Variants in NRXN3 observed in about 807,000 individuals in gnomAD.
NRXN3 encodes the protein neurexin 3, also known as neurexin III.
NRXN3 carries 32 observed loss-of-function variants against 137.6 expected under a neutral mutation model. That is an observed-to-expected ratio of 0.23 (90% confidence interval 0.18 to 0.31). The LOEUF is 0.31. Among genes scored for constraint, NRXN3 ranks in the 10% least tolerant of loss-of-function variants. The pLI is 1.00. For synonymous variants in NRXN3, 798 were observed against 784.5 expected (o/e 1.02, Z -0.29); for missense variants, 1,574 against 2,062.5 (o/e 0.76, Z 4.59).
rs76857243 is a variant in NRXN3, at chr14:79,112,908, A to G, written c.3262+124767A>G. On this transcript the variant is annotated intron_variant, in intron 15 of 20. Coordinates refer to ENST00000335750, the MANE Select transcript of NRXN3 (RefSeq NM_001330195.2). The stretch of plus-strand genomic sequence containing the variant: ...GGGTAATGATGAAAAAGATTAGGCA[A>G]AGTTTAAAGTTGAGACGCAGTTTTC... Among the ~76,000 whole-genome samples the G allele has an allele frequency of 1.1e-4, 17 of 152,306 alleles. No homozygotes were observed. The East Asian group carries it at 3.1e-3, about 28-fold the overall frequency.
At chr14:78,972,088 C>T (rs1057288688) in intron 14 of NRXN3, among the ~76,000 whole-genome samples, 3 of 151,948 alleles carry the variant, frequency 2.0e-5, no homozygotes, top group Admixed American at 2.0e-4. Context: ...TAACTTGATA[C>T]CTCTCAATTT....
chr14:78,454,303 A>G (rs1353198022), intron 4 of NRXN3, among the ~76,000 whole-genome samples: 1 of 152,034 alleles, frequency 6.6e-6, no homozygotes, highest in Non-Finnish European at 1.5e-5. Context: ...ATAACTTAAA[A>G]AAAAAAACCT....
chr14:78,313,352 C>T (rs1475976123), intron 4 of NRXN3, among the ~76,000 whole-genome samples: 6 of 152,152 alleles, frequency 3.9e-5, no homozygotes, highest in Non-Finnish European at 7.3e-5. Flanking sequence ...CATTTACTGG[C>T]TTTTCTGTTG....
intron 19 of NRXN3, among the ~76,000 whole-genome samples, chr14:79,755,551 A>G (rs1415897992): frequency 1.4e-5 from 2 of 146,746 alleles, no homozygotes; most frequent in East Asian, 3.9e-4. Flanking sequence ...TTTTTTTGCT[A>G]GAAGTAGTTT....
At chr14:79,845,568 G>A (rs1039638200) in intron 20 of NRXN3, among the ~76,000 whole-genome samples, 2 of 136,544 alleles carry the variant, frequency 1.5e-5, no homozygotes, top group African/African-American at 5.5e-5. Context: ...CAGAGAGAGA[G>A]AGAGACCGAC....
rs372339112 is a variant in NRXN3 at position 78,754,185 on chromosome 14, T to C, written c.2044+39046T>C. ...GTTTTGCTTTTCTAGGCTATGACTC[T>C]ACTCTGAGTTGGGTTTTGGTTTGCT... On this transcript the variant is annotated intron_variant, in intron 8 of 20. Coordinates refer to ENST00000335750, the MANE Select transcript of NRXN3 (RefSeq NM_001330195.2). Among the ~76,000 whole-genome samples the C allele has an allele frequency of 1.5e-4, 23 of 152,352 alleles. 1 individual carries two copies. The highest frequency in any genetic ancestry group is 1.4e-3 in the East Asian group (7 of 5,180).
chr14:79,277,844 G>A (rs2080536044), intron 15 of NRXN3, among the ~76,000 whole-genome samples: 1 of 152,214 alleles, frequency 6.6e-6, no homozygotes, highest in African/African-American at 2.4e-5. Context: ...AGCCAGGGCA[G>A]TTAGGGTGAC....
At chr14:78,518,986 T>C (rs759382457) in intron 4 of NRXN3, among the ~76,000 whole-genome samples, 1 of 152,052 alleles carries the variant, frequency 6.6e-6, no homozygotes, top group Non-Finnish European at 1.5e-5. Context: ...CTTCAAAGAG[T>C]AGGACAGTCA....
chr14:79,777,157 G>A (rs377159108), intron 19 of NRXN3, among the ~76,000 whole-genome samples: 1 of 152,114 alleles, frequency 6.6e-6, no homozygotes, highest in East Asian at 1.9e-4. Context: ...CCTAATTTTT[G>A]TTAGCCTCTT....
chr14:79,422,640 A>G (rs1033949132), intron 15 of NRXN3, among the ~76,000 whole-genome samples: 16 of 151,812 alleles, frequency 1.1e-4, no homozygotes, highest in Non-Finnish European at 2.2e-4. Flanking sequence ...GACCCGAGTG[A>G]TAAGATGGAT....
chr14:79,079,565 T>A (rs1018322870), intron 15 of NRXN3, among the ~76,000 whole-genome samples: 5 of 152,008 alleles, frequency 3.3e-5, no homozygotes, highest in African/African-American at 1.2e-4. Context: ...ATTATAGCTA[T>A]TTTTTTTCAA....
At chr14:79,124,825 C>T (rs2056110524) in intron 15 of NRXN3, among the ~76,000 whole-genome samples, 1 of 152,032 alleles carries the variant, frequency 6.6e-6, no homozygotes, top group East Asian at 1.9e-4. Flanking sequence ...CATGTGAAAA[C>T]TTCAAATTTC....
intron 14 of NRXN3, among the ~76,000 whole-genome samples, chr14:78,971,441 TACAC>T (rs35943996): frequency 7.0e-6 from 1 of 142,530 alleles, no homozygotes; most frequent in South Asian, 2.4e-4. Context: ...TATATATATA[TACAC>T]ACACACACAC....
chr14:78,918,438 C>A (rs1449832692), intron 10 of NRXN3, among the ~76,000 whole-genome samples: 1 of 151,886 alleles, frequency 6.6e-6, no homozygotes, highest in Non-Finnish European at 1.5e-5. Flanking sequence ...AGAACAGAGA[C>A]CTTGGGCAGA....
chr14:78,409,417 C>T (rs960403296), intron 4 of NRXN3, among the ~76,000 whole-genome samples: 5 of 152,210 alleles, frequency 3.3e-5, no homozygotes, highest in African/African-American at 1.2e-4. Flanking sequence ...AGAAAAGAGG[C>T]GTGGTCAGGG....
At chr14:79,823,877 A>G (rs1184536290) in intron 20 of NRXN3, 12 of 447,720 alleles carry the variant, frequency 2.7e-5, no homozygotes, top group Non-Finnish European at 4.5e-5. Flanking sequence ...CATTAGTTCC[A>G]TAAGGTCAGT....
At chr14:78,562,434 T>G (rs1322807877) in intron 4 of NRXN3, among the ~76,000 whole-genome samples, 1 of 146,066 alleles carries the variant, frequency 6.8e-6, no homozygotes, top group Admixed American at 6.9e-5. Flanking sequence ...GCTGAGGCAG[T>G]GAGGCAGCTC....
chr14:79,254,705 G>C (rs2076356567), intron 15 of NRXN3, among the ~76,000 whole-genome samples: 1 of 152,136 alleles, frequency 6.6e-6, no homozygotes. Flanking sequence ...AGAAAGAACT[G>C]CATTAAAAAG....
intron 1 of NRXN3, among the ~76,000 whole-genome samples, chr14:78,217,297 A>G (rs1171294253): frequency 6.6e-6 from 1 of 152,246 alleles, no homozygotes; most frequent in African/African-American, 2.4e-5. Flanking sequence ...CAAAAATATT[A>G]CAAATGTAGA....
Sources: gnomAD v4.1 joint callset for allele counts (sites outside exome capture counted in the v4.1 genomes callset) on GRCh38, gnomAD v4.1.1 for gene constraint, MANE v1.5 for transcripts, NCBI Gene and HGNC (gene_info 2026-07-23, HGNC 2026-07-21) for gene names.